The following BCR variants were observed in gnomAD, a reference collection of about 807,000 sequenced individuals.
BCR encodes the protein BCR activator of RhoGEF and GTPase.
Under a neutral mutation model 138.6 loss-of-function variants are expected in BCR, and 58 were observed. The ratio of observed to expected loss-of-function variants is 0.42; its 90% CI spans 0.34 to 0.52. The LOEUF is 0.52. Ranked by LOEUF, BCR falls within the 20% of genes least tolerant of loss-of-function variation. The pLI, the probability that BCR is intolerant of heterozygous loss-of-function variation, is 0.06. For synonymous variants in BCR, 786 were observed against 730.1 expected, an observed-to-expected ratio of 1.08 and a Z score of -1.23; for missense variants, 1,599 against 1,727.2, an observed-to-expected ratio of 0.93 and a Z score of 1.32.
In BCR at chr22:23,181,654, C is replaced by A. The variant is rs779137125; in HGVS notation, c.694C>A (p.Arg232=). The change falls in exon 1 of 23, where the codon CGG becomes AGG. Residue 232 remains arginine (R), a synonymous_variant. Transcript: ENST00000305877. ...SVGDASRPPY[R]GRSSESSCGV... ...GGGGGATGCATCCAGGCCCCCTTAC[C>A]GGGGACGCTCCTCGGAGAGCAGCTG... 1.2e-6 allele frequency: 2 copies of A among 1,608,550 alleles called. No individual in the cohort carries two copies. Among genetic ancestry groups the A allele is most frequent in the African/African-American group, 1.3e-5 (1 of 74,934 alleles).
chr22:23,313,832 G>A (rs1370739732), intron 20 of BCR, 136 bp from the exon 21 acceptor site: 50 of 816,630 alleles, frequency 6.1e-5, no homozygotes, highest in Non-Finnish European at 9.7e-5. Flanking sequence ...CTCAATGGGG[G>A]CCAGAGCTGT....
intron 1 of BCR, among the ~76,000 whole-genome samples, chr22:23,196,279 T>C (rs1375904204): frequency 6.6e-6 from 1 of 152,128 alleles, no homozygotes; most frequent in Non-Finnish European, 1.5e-5. Flanking sequence ...GACACAGTCC[T>C]TAAATAAGTG....
chr22:23,262,376 C>G (rs1005091439), intron 4 of BCR, among the ~76,000 whole-genome samples: 1 of 152,154 alleles, frequency 6.6e-6, no homozygotes, highest in Non-Finnish European at 1.5e-5. Flanking sequence ...GTAGGGGGAC[C>G]CCTCCCTCTG....
chr22:23,276,685 C>A (rs1309652763), intron 8 of BCR, among the ~76,000 whole-genome samples: 1 of 152,232 alleles, frequency 6.6e-6, no homozygotes. Context: ...TTGCCCCTGC[C>A]CCTGCCATTC....
At chr22:23,258,510 G>T (rs1319447714) in intron 2 of BCR, among the ~76,000 whole-genome samples, 1 of 152,182 alleles carries the variant, frequency 6.6e-6, no homozygotes, top group Non-Finnish European at 1.5e-5. Context: ...AGTAGGCAGG[G>T]GCTGTGCTGG....
At chr22:23,298,948 A>C (rs573623681) in intron 16 of BCR, among the ~76,000 whole-genome samples, 1 of 151,732 alleles carries the variant, frequency 6.6e-6, no homozygotes, top group East Asian at 2.0e-4. Context: ...AACATCACTC[A>C]TTTTGTGTTC....
chr22:23,272,969 C>A, intron 6 of BCR, 112 bp from the exon 7 acceptor site: 1 of 1,147,382 alleles, frequency 8.7e-7, no homozygotes, highest in Non-Finnish European at 1.3e-6. Flanking sequence ...GGAGATGGGG[C>A]CTGTGGAGGC....
At chr22:23,277,365 G>C (rs918147282) in intron 8 of BCR, among the ~76,000 whole-genome samples, 4 of 152,212 alleles carry the variant, frequency 2.6e-5, no homozygotes, top group Non-Finnish European at 5.9e-5. Context: ...CTGGCCGCCT[G>C]TGTGCCCCTC....
In BCR at chr22:23,229,770, T is replaced by G. The variant is rs529861024; in HGVS notation, c.1280-24029T>G. Among the ~76,000 whole-genome samples the G allele has an allele frequency of 2.2e-4, 34 of 152,342 alleles. 1 individual carries two copies. In the South Asian group the frequency reaches 6.4e-3, roughly 29 times the overall value. ...ACTCTCTACTTCCCCATGTCCCCCC[T>G]TTCAGGTGTTCTGATTAGAAGGCAG... On this transcript the variant is annotated intron_variant, in intron 1 of 22. Coordinates refer to ENST00000305877, the MANE Select transcript of BCR (RefSeq NM_004327.4).
intron 1 of BCR, among the ~76,000 whole-genome samples, chr22:23,193,168 C>T (rs566624073): frequency 7.2e-5 from 11 of 152,332 alleles, no homozygotes; most frequent in East Asian, 1.9e-4. Flanking sequence ...TTTGTATGCC[C>T]GTAGAGTAGG....
intron 1 of BCR, among the ~76,000 whole-genome samples, chr22:23,230,946 C>T (rs1030579604): frequency 1.3e-4 from 20 of 152,160 alleles, no homozygotes; most frequent in African/African-American, 4.6e-4. Context: ...GTAGAGGGCA[C>T]AGTATCCCGA....
At chr22:23,261,285 C>G in intron 3 of BCR, 70 bp from the exon 4 acceptor site, 1 of 1,482,516 alleles carries the variant, frequency 6.7e-7, no homozygotes, top group Non-Finnish European at 9.3e-7. Flanking sequence ...TGACTGTCTA[C>G]TGCCATACAA....
intron 16 of BCR, chr22:23,306,814 A>G (rs1170101644): frequency 1.3e-5 from 2 of 152,476 alleles, no homozygotes; most frequent in African/African-American, 4.8e-5. Flanking sequence ...CCTGGCCATG[A>G]TGCAGGGCCT....
At chr22:23,204,806 G>A (rs938367918) in intron 1 of BCR, among the ~76,000 whole-genome samples, 4 of 152,196 alleles carry the variant, frequency 2.6e-5, no homozygotes, top group African/African-American at 9.7e-5. Context: ...CCGCGTGGAT[G>A]GGGGAGACGG....
At chr22:23,304,733 T>C (rs1416606152) in intron 16 of BCR, among the ~76,000 whole-genome samples, 2 of 152,200 alleles carry the variant, frequency 1.3e-5, no homozygotes, top group Non-Finnish European at 2.9e-5. Flanking sequence ...CGATGCTGGT[T>C]ATAGTGTATC....
In BCR at chr22:23,285,028, C is replaced by T. The variant is rs1602103790; in HGVS notation, c.2238-5C>T. The T allele has an allele frequency of 6.2e-7, 1 of 1,611,200 alleles. No homozygotes were observed. On this transcript the variant is annotated splice_polypyrimidine_tract_variant and splice_region_variant and intron_variant, in intron 9 of 22. Coordinates refer to ENST00000305877, the MANE Select transcript of BCR (RefSeq NM_004327.4). ...ATGTGAACGTTCTTCTCTCCCCATC[C>T]CCAGCAAAACGCAGCAGTATGACTG...
At position 23,261,506 on chromosome 22, in the gene BCR, A is replaced by C. The variant is rs953003494; in HGVS notation, c.1718A>C (p.His573Pro). The change falls in exon 4 of 23, where the codon CAC (histidine) becomes CCC (proline). Residue 573 changes from histidine (H) to proline (P), a missense_variant. His to Pro is a moderately conservative substitution (Grantham distance 77, BLOSUM62 -2). This residue lies in a region of BCR where 590 missense variants were observed against 762.4 expected (regional missense o/e 0.77). Coordinates refer to ENST00000305877, the MANE Select transcript of BCR (RefSeq NM_004327.4). Reference sequence around the variant, plus strand: ...TTCCCCCGCGTGCAGCAGTGGAGCCACCAGCAGCGGGTGGGCGACCTCTTC... The same window carrying C: ...TTCCCCCGCGTGCAGCAGTGGAGCCCCCAGCAGCGGGTGGGCGACCTCTTC... ...GLFPRVQQWS[H>P]QQRVGDLFQK... 2 of 1,613,136 alleles carry C rather than the reference A, an allele frequency of 1.2e-6. No individual in the cohort carries two copies.
chr22:23,218,869 A>C (rs759812497), intron 1 of BCR, among the ~76,000 whole-genome samples: 2 of 152,116 alleles, frequency 1.3e-5, no homozygotes, highest in Non-Finnish European at 2.9e-5. Context: ...AGTTAGGAAA[A>C]ATTGCCTGTT....
chr22:23,216,789 G>A (rs1329026704), intron 1 of BCR, among the ~76,000 whole-genome samples: 1 of 152,234 alleles, frequency 6.6e-6, no homozygotes, highest in African/African-American at 2.4e-5. Context: ...ACACCGGAAG[G>A]CTGAGACCTC....
Sources: allele counts gnomAD v4.1 joint callset (sites outside exome capture counted in the v4.1 genomes callset), GRCh38; gene constraint gnomAD v4.1.1; regional missense constraint gnomAD v4.1.1; transcripts MANE v1.5; gene names NCBI Gene and HGNC (gene_info 2026-07-23, HGNC 2026-07-21).